The following HMHB1 variants were observed in gnomAD, a reference collection of about 807,000 sequenced individuals.
The protein encoded by HMHB1 is minor histocompatibility protein HB-1.
A neutral mutation model predicts 2.4 loss-of-function variants in HMHB1; 4 were observed. That is an observed-to-expected ratio of 1.65 (90% CI 0.81 to 3.77). The LOEUF (loss-of-function observed/expected upper bound fraction) is 3.77. HMHB1 is among the 30% of genes most tolerant of loss of function. HMHB1 has a pLI of 0.01. For synonymous variants in HMHB1, 22 were observed against 17.6 expected, an observed-to-expected ratio of 1.25 and a Z score of -0.63; for missense variants, 57 against 44.2, an observed-to-expected ratio of 1.29 and a Z score of -0.82.
chr5:143,817,845 A>G (rs1759766741), intron 1 of HMHB1, among the ~76,000 whole-genome samples: 1 of 152,180 alleles, frequency 6.6e-6, no homozygotes, highest in Admixed American at 6.5e-5. Flanking sequence ...AAAGATATCA[A>G]ATACCTAGAA....
intron 1 of HMHB1, among the ~76,000 whole-genome samples, chr5:143,812,953 T>TTTTGTTTG (rs112071292): frequency 1.1e-4 from 17 of 151,068 alleles, no homozygotes; most frequent in East Asian, 2.0e-4. Context: ...CTGTCGTGTT[T>TTTTGTTTG]TTTGTTTGTT....
chr5:143,818,986 A>G (rs1208058117), intron 1 of HMHB1, among the ~76,000 whole-genome samples: 8 of 152,194 alleles, frequency 5.3e-5, no homozygotes, highest in African/African-American at 1.9e-4. Context: ...AATCACCTGA[A>G]CTAGAAAACA....
intron 1 of HMHB1, among the ~76,000 whole-genome samples, chr5:143,815,754 C>T (rs1313741179): frequency 6.7e-6 from 1 of 148,668 alleles, no homozygotes; most frequent in African/African-American, 2.5e-5. Context: ...GGCCGGACTG[C>T]GGACTGCAGT....
chr5:143,820,118 AAAT>A (rs551415708), intron 1 of HMHB1, among the ~76,000 whole-genome samples: 120 of 152,136 alleles, frequency 7.9e-4, no homozygotes, highest in African/African-American at 2.8e-3. Flanking sequence ...TAATTATAGA[AAAT>A]AAGATTTTTT....
At chr5:143,812,806 T>G (rs920046038) in intron 1 of HMHB1, among the ~76,000 whole-genome samples, 2 of 152,290 alleles carry the variant, frequency 1.3e-5, no homozygotes, top group East Asian at 3.9e-4. Flanking sequence ...GGGCTTTGCA[T>G]GCATTTCTCT....
chr5:143,812,862 G>C (rs570034501), intron 1 of HMHB1, among the ~76,000 whole-genome samples: 1 of 152,162 alleles, frequency 6.6e-6, no homozygotes, highest in Non-Finnish European at 1.5e-5. Flanking sequence ...GCTTTCCCCA[G>C]TTTACAGATA....
At chr5:143,815,242 T>C (rs894851290) in intron 1 of HMHB1, among the ~76,000 whole-genome samples, 7 of 152,222 alleles carry the variant, frequency 4.6e-5, no homozygotes, top group African/African-American at 1.7e-4. Context: ...ATTCATTATC[T>C]TACAGTTAAG....
At chr5:143,816,110 C>A (rs1759747213) in intron 1 of HMHB1, among the ~76,000 whole-genome samples, 1 of 152,230 alleles carries the variant, frequency 6.6e-6, no homozygotes, top group African/African-American at 2.4e-5. Context: ...TAAATTCCAT[C>A]TGCAAACTTA....
intron 1 of HMHB1, among the ~76,000 whole-genome samples, chr5:143,817,047 G>C (rs1017422455): frequency 6.6e-6 from 1 of 152,016 alleles, no homozygotes; most frequent in Non-Finnish European, 1.5e-5. Context: ...TTTTTGATGG[G>C]ATTTTTTTCT....
At chr5:143,817,293 A>G (rs1233777963) in intron 1 of HMHB1, among the ~76,000 whole-genome samples, 1 of 152,156 alleles carries the variant, frequency 6.6e-6, no homozygotes, top group African/African-American at 2.4e-5. Context: ...GCCAATGTCT[A>G]GAAGGGTTTT....
intron 1 of HMHB1, among the ~76,000 whole-genome samples, chr5:143,816,489 G>A (rs1377611485): frequency 2.0e-5 from 3 of 152,132 alleles, no homozygotes; most frequent in African/African-American, 7.2e-5. Flanking sequence ...TTCACTTAGA[G>A]TAATACTCTC....
At chr5:143,815,783 T>A (rs1759741375) in intron 1 of HMHB1, among the ~76,000 whole-genome samples, 1 of 150,272 alleles carries the variant, frequency 6.7e-6, no homozygotes, top group African/African-American at 2.5e-5. Flanking sequence ...CTCGGCTCAC[T>A]GCAAGCTCCG....
At chr5:143,815,730 C>T (rs1194469969) in intron 1 of HMHB1, among the ~76,000 whole-genome samples, 8 of 141,086 alleles carry the variant, frequency 5.7e-5, no homozygotes, top group Admixed American at 2.2e-4. Context: ...GACGGAGTCT[C>T]GCTCTGTCGC....
At chr5:143,818,970 T>A (rs1278986003) in intron 1 of HMHB1, among the ~76,000 whole-genome samples, 1 of 152,180 alleles carries the variant, frequency 6.6e-6, no homozygotes, top group Non-Finnish European at 1.5e-5. Context: ...CAGCCAGGCT[T>A]TAGGAAATCA....
chr5:143,820,359 AAC>A, intron 1 of HMHB1, 119 bp from the exon 2 acceptor site: 2 of 392,074 alleles, frequency 5.1e-6, no homozygotes, highest in Non-Finnish European at 4.7e-6. Flanking sequence ...AACAGAACAA[AAC>A]AAAACTAAAA....
chr5:143,819,566 C>T (rs1205141160), intron 1 of HMHB1, among the ~76,000 whole-genome samples: 3 of 140,580 alleles, frequency 2.1e-5, no homozygotes, highest in South Asian at 2.4e-4. Context: ...GCTCGGGGGG[C>T]GGAGGTTGCA....
At chr5:143,817,195 A>G (rs1250965225) in intron 1 of HMHB1, among the ~76,000 whole-genome samples, 1 of 152,072 alleles carries the variant, frequency 6.6e-6, no homozygotes, top group Non-Finnish European at 1.5e-5. Context: ...GCTGCGTAAA[A>G]GCTCTTTAGT....
At chr5:143,820,140 T>C (rs1257023972) in intron 1 of HMHB1, among the ~76,000 whole-genome samples, 1 of 151,752 alleles carries the variant, frequency 6.6e-6, no homozygotes, top group African/African-American at 2.4e-5. Context: ...TTTGCAGAAA[T>C]TAGCATGGTT....
intron 1 of HMHB1, among the ~76,000 whole-genome samples, chr5:143,820,143 G>T (rs917442082): frequency 1.3e-5 from 2 of 151,104 alleles, no homozygotes; most frequent in African/African-American, 4.9e-5. Flanking sequence ...GCAGAAATTA[G>T]CATGGTTCTT....
Sources: gnomAD v4.1 joint callset for allele counts (sites outside exome capture counted in the v4.1 genomes callset) on GRCh38, gnomAD v4.1.1 for gene constraint, MANE v1.5 for transcripts, NCBI Gene and HGNC (gene_info 2026-07-23, HGNC 2026-07-21) for gene names.